The following CDH13 variants were observed in gnomAD, a reference collection of about 807,000 sequenced individuals.
CDH13 encodes cadherin 13, also known as cadherin-13.
Under a neutral mutation model 63.8 loss-of-function variants are expected in CDH13, and 24 were observed. That is an observed-to-expected ratio of 0.38 (90% CI 0.27 to 0.53). The LOEUF (loss-of-function observed/expected upper bound fraction) is 0.53. Among genes scored for constraint, CDH13 ranks in the 20% least tolerant of loss-of-function variants. The probability of loss-of-function intolerance (pLI) is 0.85; values close to 1 mark genes in which losing one functional copy is unlikely to be tolerated. For missense variants in CDH13, 1,049 were observed against 903.1 expected, an observed-to-expected ratio of 1.16 and a Z score of -2.07; for synonymous variants, 503 against 355.3, an observed-to-expected ratio of 1.42 and a Z score of -4.67.
chr16:83,744,786 G>A (rs3784987), intron 10 of CDH13, among the ~76,000 whole-genome samples: 4,739 of 152,296 alleles, frequency 0.031, 274 homozygotes, highest in East Asian at 0.3. Flanking sequence ...GACTGTCCCC[G>A]AGTCACAGAG....
intron 13 of CDH13, among the ~76,000 whole-genome samples, chr16:83,785,930 C>G (rs1915850246): frequency 6.6e-6 from 1 of 152,100 alleles, no homozygotes; most frequent in African/African-American, 2.4e-5. Flanking sequence ...CCAATCTTGT[C>G]CCCACCCTAA....
intron 2 of CDH13, among the ~76,000 whole-genome samples, chr16:82,883,644 C>T (rs993786928): frequency 6.6e-6 from 1 of 152,196 alleles, no homozygotes; most frequent in Non-Finnish European, 1.5e-5. Flanking sequence ...TTCCTCATCT[C>T]TACGAGGGAG....
intron 10 of CDH13, among the ~76,000 whole-genome samples, chr16:83,701,599 C>G (rs548214033): frequency 6.6e-6 from 1 of 152,268 alleles, no homozygotes; most frequent in Non-Finnish European, 1.5e-5. Context: ...TGGTGGTTCC[C>G]CAAATGTGTC....
intron 2 of CDH13, among the ~76,000 whole-genome samples, chr16:82,877,201 TC>T (rs1761697349): frequency 1.3e-5 from 2 of 152,326 alleles, no homozygotes; most frequent in Admixed American, 1.3e-4. Context: ...ATTCATGACA[TC>T]TTGATTTAAG....
chr16:83,418,026 A>C (rs1567658869), intron 6 of CDH13, among the ~76,000 whole-genome samples: 1 of 151,902 alleles, frequency 6.6e-6, no homozygotes, highest in Non-Finnish European at 1.5e-5. Context: ...CCCTTTGTCA[A>C]CTCTTCCAGA....
intron 3 of CDH13, among the ~76,000 whole-genome samples, chr16:83,102,948 C>CTTTTTTTTTTTTTTTTTTT (rs71148813): frequency 1.4e-4 from 10 of 69,030 alleles, no homozygotes; most frequent in East Asian, 4.0e-4. Flanking sequence ...TTTTCTTTTT[C>CTTTTTTTTTTTTTTTTTTT]TTTTTTTTTT....
chr16:82,754,984 A>G (rs2034559681), intron 1 of CDH13, among the ~76,000 whole-genome samples: 1 of 152,196 alleles, frequency 6.6e-6, no homozygotes, highest in East Asian at 1.9e-4. Context: ...CTGTAGTTGC[A>G]AAGTTCTCCT....
At chr16:83,748,754 T>C (rs1418774115) in intron 11 of CDH13, among the ~76,000 whole-genome samples, 3 of 152,212 alleles carry the variant, frequency 2.0e-5, no homozygotes, top group Non-Finnish European at 4.4e-5. Flanking sequence ...AAGATGGTAA[T>C]GCACTATCCA....
intron 5 of CDH13, among the ~76,000 whole-genome samples, chr16:83,330,356 T>G (rs1265361571): frequency 2.6e-5 from 4 of 152,200 alleles, no homozygotes; most frequent in Non-Finnish European, 4.4e-5. Flanking sequence ...TAGCACATAG[T>G]TTCTCTCTGT....
At chr16:83,489,944 T>G (rs1190795229) in intron 7 of CDH13, among the ~76,000 whole-genome samples, 1 of 151,896 alleles carries the variant, frequency 6.6e-6, no homozygotes, top group Non-Finnish European at 1.5e-5. Flanking sequence ...AATTGCGTGT[T>G]GGAACAATGA....
chr16:82,923,722 A>G (rs1265294911), intron 2 of CDH13, among the ~76,000 whole-genome samples: 1 of 152,254 alleles, frequency 6.6e-6, no homozygotes, highest in Non-Finnish European at 1.5e-5. Context: ...CATGCAGTGA[A>G]GCGGCTCTTA....
intron 2 of CDH13, among the ~76,000 whole-genome samples, chr16:82,957,932 A>G (rs546793734): frequency 7.4e-4 from 113 of 152,338 alleles, no homozygotes; most frequent in African/African-American, 2.6e-3. Flanking sequence ...TTATTTCTTC[A>G]TAAGGCAAGA....
intron 8 of CDH13, among the ~76,000 whole-genome samples, chr16:83,621,475 CTTTTTTTTTTTTT>C (rs72032168): frequency 2.1e-4 from 6 of 28,530 alleles, no homozygotes; most frequent in South Asian, 2.5e-3. Context: ...CCTCACCTGC[CTTTTTTTTTTTTT>C]TTTTTTTTTT....
intron 1 of CDH13, among the ~76,000 whole-genome samples, chr16:82,709,578 C>T (rs181937107): frequency 3.3e-5 from 5 of 152,258 alleles, no homozygotes; most frequent in East Asian, 1.9e-4. Context: ...AGGTACCTTG[C>T]GAGGCTGTGG....
At chr16:82,782,500 C>T (rs928623828) in intron 1 of CDH13, among the ~76,000 whole-genome samples, 7 of 150,186 alleles carry the variant, frequency 4.7e-5, no homozygotes, top group South Asian at 2.1e-4. Flanking sequence ...TGCAGTGAGC[C>T]AAGATCGTAC....
intron 8 of CDH13, among the ~76,000 whole-genome samples, chr16:83,614,933 T>C (rs1160024785): frequency 3.3e-5 from 5 of 152,200 alleles, no homozygotes; most frequent in African/African-American, 1.2e-4. Context: ...TACTTGATGA[T>C]ATCGATAAGC....
At chr16:82,866,732 T>A (rs994191428) in intron 2 of CDH13, among the ~76,000 whole-genome samples, 2 of 151,960 alleles carry the variant, frequency 1.3e-5, no homozygotes, top group Non-Finnish European at 2.9e-5. Context: ...CTTACAATCA[T>A]GGTGGAAGGC....
intron 5 of CDH13, among the ~76,000 whole-genome samples, chr16:83,340,949 G>A (rs2090708470): frequency 6.6e-6 from 1 of 152,110 alleles, no homozygotes; most frequent in Non-Finnish European, 1.5e-5. Flanking sequence ...AAATCCTCAT[G>A]TCTGAAGGGG....
Position 82,918,088 on chromosome 16 carries a change from G to A in CDH13, c.157+59615G>A, listed in dbSNP as rs138920026. On this transcript the variant is annotated intron_variant, in intron 2 of 13. Transcript: ENST00000567109. ...TGGCAGTTGTGCACAAACCTGCTGC[G>A]AGGCAGCTGGTGCCCTGGTAAAAGG... Among the ~76,000 whole-genome samples, 28 of 152,262 alleles carry A rather than the reference G, an allele frequency of 1.8e-4. No individual in the cohort carries two copies. The East Asian group carries it at 4.6e-3, about 25-fold the overall frequency.
Sources: allele counts gnomAD v4.1 joint callset (sites outside exome capture counted in the v4.1 genomes callset), GRCh38; gene constraint gnomAD v4.1.1; transcripts MANE v1.5; gene names NCBI Gene and HGNC (gene_info 2026-07-23, HGNC 2026-07-21).